Variants in MUC13 observed in about 807,000 individuals in gnomAD.
The protein encoded by MUC13 is mucin 13, cell surface associated.
A neutral mutation model predicts 48.3 loss-of-function variants in MUC13; 32 were observed. The observed-to-expected ratio is 0.66, with a 90% CI of 0.50 to 0.89. The LOEUF is 0.89. Ranked by LOEUF, MUC13 falls within the 40% of genes least tolerant of loss-of-function variation. The pLI is 0.00. For missense variants in MUC13, 571 were observed against 622.8 expected (o/e 0.92, Z 0.88); for synonymous variants, 199 against 224.9 (o/e 0.88, Z 1.03).
intron 1 of MUC13, among the ~76,000 whole-genome samples, chr3:124,932,363 TGA>T (rs1935812895): frequency 6.6e-6 from 1 of 152,048 alleles, no homozygotes; most frequent in African/African-American, 2.4e-5. Context: ...GTCAAGAGTC[TGA>T]GACCAGCCTA....
chr3:124,913,494 T>C, intron 7 of MUC13, 68 bp downstream of exon 7: 1 of 1,608,998 alleles, frequency 6.2e-7, no homozygotes, highest in Non-Finnish European at 8.5e-7. Flanking sequence ...AAGGAGTGAA[T>C]TTTTTATGTT....
Position 124,923,585 on chromosome 3 carries a change from A to G in MUC13, c.579T>C (p.Asn193=), listed in dbSNP as rs372199940. ...CTTCTAAACACAGGCAAAAACTTGT[A>G]TTATGCAGCTTAACACATAACGAAT... The part of the protein sequence containing the change: ...ADNSLCVKLH[N]TSFCLCLEGY... Residue 193 remains asparagine (N), a synonymous_variant, in exon 3 of 12, where the codon AAT becomes AAC. Transcript: ENST00000616727. The G allele has an allele frequency of 2.2e-5, 35 of 1,614,024 alleles. No homozygotes were observed. The highest frequency in any genetic ancestry group is 1.6e-4 in the African/African-American group (12 of 75,060).
chr3:124,912,261 C>CA (rs1935432131), intron 8 of MUC13, 120 bp from the exon 9 acceptor site: 2 of 1,424,194 alleles, frequency 1.4e-6, no homozygotes, highest in East Asian at 5.0e-5. Context: ...TCCTCCCTTG[C>CA]TTTTTTTCCT....
At chr3:124,907,657 T>TATAGAG (rs1409847467) in intron 11 of MUC13, among the ~76,000 whole-genome samples, 2 of 143,834 alleles carry the variant, frequency 1.4e-5, no homozygotes, top group Admixed American at 1.4e-4. Context: ...TATATATATA[T>TATAGAG]AGAGAGAGAG....
At chr3:124,932,867 C>T (rs1935820423) in intron 1 of MUC13, among the ~76,000 whole-genome samples, 1 of 152,116 alleles carries the variant, frequency 6.6e-6, no homozygotes, top group Admixed American at 6.6e-5. Flanking sequence ...ATCTCCATTC[C>T]CCTAAGGTCC....
intron 8 of MUC13, 156 bp from the exon 9 acceptor site, chr3:124,912,297 C>T: frequency 1.7e-6 from 2 of 1,143,658 alleles, no homozygotes; most frequent in East Asian, 5.3e-5. Context: ...CTTACACTCT[C>T]ATTCTTCCAG....
intron 4 of MUC13, 133 bp downstream of exon 4, chr3:124,922,064 A>G: frequency 9.4e-7 from 1 of 1,061,346 alleles, no homozygotes; most frequent in South Asian, 1.8e-5. Context: ...CCGACCAGTA[A>G]AGGTACATTT....
intron 10 of MUC13, 38 bp downstream of exon 10, chr3:124,910,375 TAA>T (rs34208404): frequency 7.7e-4 from 1,054 of 1,372,394 alleles, no homozygotes; most frequent in Admixed American, 1.3e-3. Flanking sequence ...CATCTCTCTA[TAA>T]AAAAAAAAAA....
rs61730148 is a variant in MUC13 at position 124,908,160 on chromosome 3, C to T, written c.1526G>A (p.Arg509His). 2,057 of 1,614,102 alleles carry T rather than the reference C, an allele frequency of 1.3e-3. No individual in the cohort carries two copies. Among genetic ancestry groups the T allele is most frequent in the Admixed American group, 1.6e-3 (96 of 60,008 alleles). The part of the protein sequence containing the change: ...NPYSRHSSMP[R>H]PDY ...CCACTGACTCACCTAATAGTCAGGGCGGGGCATGCTGCTGTGTCTTGAATA... is the reference window on the plus strand; with the variant it reads ...CCACTGACTCACCTAATAGTCAGGGTGGGGCATGCTGCTGTGTCTTGAATA... The change falls in exon 11 of 12, where the codon CGC (arginine) becomes CAC (histidine). Residue 509 changes from arginine to histidine, a missense_variant. By Grantham distance (29) the Arg-to-His change is conservative. Transcript: ENST00000616727.
chr3:124,928,078 C>CATT, intron 1 of MUC13, 85 bp from the exon 2 acceptor site: 23 of 772,874 alleles, frequency 3.0e-5, no homozygotes, highest in Non-Finnish European at 3.8e-5. Flanking sequence ...ATATCCAACT[C>CATT]ATTCTTTTTT....
intron 10 of MUC13, 30 bp from the exon 11 acceptor site, chr3:124,908,378 A>T (rs541265339): frequency 6.4e-7 from 1 of 1,560,794 alleles, no homozygotes; most frequent in African/African-American, 1.4e-5. Flanking sequence ...TTAGGATTTG[A>T]CAATGGCAGA....
chr3:124,919,987 T>C (rs749034864), intron 5 of MUC13, among the ~76,000 whole-genome samples: 2 of 152,172 alleles, frequency 1.3e-5, no homozygotes, highest in Non-Finnish European at 2.9e-5. Flanking sequence ...TGTGCACAAG[T>C]TGTTGCATAG....
At chr3:124,920,163 C>T in intron 5 of MUC13, 71 bp downstream of exon 5, 1 of 1,311,012 alleles carries the variant, frequency 7.6e-7, no homozygotes, top group Non-Finnish European at 1.1e-6. Context: ...ATGTTACATG[C>T]AGACCTCAAG....
At chr3:124,920,133 A>G in intron 5 of MUC13, 101 bp downstream of exon 5, 1 of 986,046 alleles carries the variant, frequency 1.0e-6, no homozygotes. Flanking sequence ...TTAACTTGTG[A>G]CTTGCCACAG....
At chr3:124,931,086 A>G (rs1312518438) in intron 1 of MUC13, among the ~76,000 whole-genome samples, 1 of 152,178 alleles carries the variant, frequency 6.6e-6, no homozygotes, top group Admixed American at 6.5e-5. Flanking sequence ...TGAAGTAGTG[A>G]TTCCTTACAC....
At chr3:124,923,460 T>A in intron 3 of MUC13, 67 bp downstream of exon 3, 2 of 1,532,982 alleles carry the variant, frequency 1.3e-6, no homozygotes, top group Non-Finnish European at 8.8e-7. Flanking sequence ...GCCATCATTT[T>A]GAGTTTTCGA....
In MUC13 at chr3:124,916,312, C is replaced by T. The variant is rs1161675962; in HGVS notation, c.964+5G>A. ...GAACTTTGAATAAAATTATACAATA[C>T]TTACAATCATAGTTTAGAAAGTTGC... On this transcript the variant is annotated splice_donor_5th_base_variant and intron_variant, in intron 6 of 11. Coordinates refer to ENST00000616727, the MANE Select transcript of MUC13 (RefSeq NM_033049.4). The T allele has an allele frequency of 3.1e-6, 5 of 1,605,920 alleles. No homozygotes were observed. The highest frequency in any genetic ancestry group is 2.2e-5 in the East Asian group (1 of 44,840).
chr3:124,920,006 A>G (rs1362783010), intron 5 of MUC13, among the ~76,000 whole-genome samples: 1 of 152,220 alleles, frequency 6.6e-6, no homozygotes, highest in Non-Finnish European at 1.5e-5. Flanking sequence ...AGCCAATCAC[A>G]GACAGAATTT....
intron 2 of MUC13, among the ~76,000 whole-genome samples, chr3:124,925,731 A>T (rs985919745): frequency 3.9e-4 from 60 of 152,276 alleles, no homozygotes; most frequent in Non-Finnish European, 4.4e-4. Flanking sequence ...CTCCCACTTC[A>T]GCCTCCTGAG....
Sources: gnomAD v4.1 joint callset for allele counts (sites outside exome capture counted in the v4.1 genomes callset) on GRCh38, gnomAD v4.1.1 for gene constraint, MANE v1.5 for transcripts, NCBI Gene and HGNC (gene_info 2026-07-23, HGNC 2026-07-21) for gene names.